The following TNS1 variants were observed in gnomAD, a reference collection of about 807,000 sequenced individuals.
The protein encoded by TNS1 is tensin 1.
Under a neutral mutation model 168.6 loss-of-function variants are expected in TNS1, and 62 were observed. That is an observed-to-expected ratio of 0.37 (90% CI 0.30 to 0.45). The LOEUF is 0.45. Among genes scored for constraint, TNS1 ranks in the 20% least tolerant of loss-of-function variants. The probability of loss-of-function intolerance (pLI) is 1.00; values close to 1 mark genes in which losing one functional copy is unlikely to be tolerated. For synonymous variants in TNS1, 934 were observed against 933.2 expected (o/e 1.00, Z -0.02); for missense variants, 2,240 against 2,339.4 (o/e 0.96, Z 0.88).
chr2:217,804,257 TC>T lies in TNS1; in HGVS notation c.*201del. On this transcript the variant is annotated 3_prime_UTR_variant, in exon 33 of 33. Transcript: ENST00000682258. Reference sequence around the variant, plus strand: ...AATCCAAGTTCTTCTCCTCCATCTTTCTCTCTCTCTCTCTCTCTCTCTCTCT... The same window carrying T: ...AATCCAAGTTCTTCTCCTCCATCTTTTCTCTCTCTCTCTCTCTCTCTCTCT... The T allele has an allele frequency of 7.7e-6, 1 of 130,318 alleles. No homozygotes were observed. The highest frequency in any genetic ancestry group is 1.1e-5 in the Non-Finnish European group (1 of 87,094). 8.1% of individuals were successfully genotyped at this position (130,318 alleles called of 1,614,324 possible). A position where few individuals can be genotyped will look rare whatever the true frequency, so the allele number is the denominator to read the frequency against.
At chr2:217,844,182 C>T (rs1428709759) in intron 19 of TNS1, among the ~76,000 whole-genome samples, 1 of 152,166 alleles carries the variant, frequency 6.6e-6, no homozygotes, top group African/African-American at 2.4e-5. Flanking sequence ...GTATCCACTG[C>T]ATCATCTCTT....
At chr2:217,854,099 A>G (rs1030164582) in intron 18 of TNS1, among the ~76,000 whole-genome samples, 6 of 152,324 alleles carry the variant, frequency 3.9e-5, no homozygotes, top group Non-Finnish European at 8.8e-5. Context: ...GGGTGGGGCC[A>G]GGAATCTGCA....
chr2:217,875,027 G>A (rs543474084), intron 18 of TNS1, among the ~76,000 whole-genome samples: 1 of 152,156 alleles, frequency 6.6e-6, no homozygotes, highest in Non-Finnish European at 1.5e-5. Context: ...GCTAGGCATG[G>A]GTGTTTGGCT....
chr2:217,914,669 A>G (rs1954806514), intron 4 of TNS1, among the ~76,000 whole-genome samples: 1 of 152,172 alleles, frequency 6.6e-6, no homozygotes, highest in African/African-American at 2.4e-5. Context: ...TATTTTTAGT[A>G]GAGACGGGGT....
chr2:217,854,135 G>T (rs2125483237), intron 18 of TNS1, among the ~76,000 whole-genome samples: 1 of 152,300 alleles, frequency 6.6e-6, no homozygotes, highest in South Asian at 2.1e-4. Context: ...CAGGGGTCCT[G>T]GCACACACAT....
intron 13 of TNS1, 126 bp downstream of exon 13, chr2:217,886,408 A>T: frequency 1.3e-6 from 1 of 771,482 alleles, no homozygotes; most frequent in South Asian, 1.7e-5. Context: ...TGAGAGTCCA[A>T]TGGAGGCCTT....
At chr2:217,849,903 ACTCT>A in intron 18 of TNS1, 1 of 985,326 alleles carries the variant, frequency 1.0e-6, no homozygotes. Context: ...CAGAGCTGGG[ACTCT>A]CTAAGACAAG....
At chr2:218,000,815 G>A (rs536152950) in intron 1 of TNS1, among the ~76,000 whole-genome samples, 1 of 152,188 alleles carries the variant, frequency 6.6e-6, no homozygotes, top group South Asian at 2.1e-4. Flanking sequence ...TAGGAGAGGA[G>A]AGGAAAAGGA....
intron 4 of TNS1, among the ~76,000 whole-genome samples, chr2:217,908,259 C>T (rs1953937193): frequency 6.6e-6 from 1 of 152,116 alleles, no homozygotes; most frequent in Non-Finnish European, 1.5e-5. Context: ...GAAGGGCTTC[C>T]TACTAAAGAT....
Position 217,847,730 on chromosome 2 carries a change from C to A in TNS1, c.2787G>T (p.Gly929=), listed in dbSNP as rs762451639. ...SPYDYQPCLA[G]PNQDFHSKSP... is the part of the protein sequence containing the mutation. ...TCTTTGAATGGAAATCCTGGTTAGG[C>A]CCAGCCAAACATGGCTGATAGTCAT... The change falls in exon 19 of 33, where the codon GGG becomes GGT. Residue 929 remains glycine (G), a synonymous_variant. Transcript: ENST00000682258. 2.5e-6 allele frequency: 4 copies of A among 1,607,696 alleles called. No individual in the cohort carries two copies. In the Admixed American group the frequency reaches 5.0e-5, roughly 20 times the overall value.
At chr2:217,977,269 C>A (rs1471320563) in intron 3 of TNS1, among the ~76,000 whole-genome samples, 1 of 152,106 alleles carries the variant, frequency 6.6e-6, no homozygotes, top group African/African-American at 2.4e-5. Context: ...GAAGCAGAAA[C>A]GTACTCTCCA....
chr2:217,835,246 G>A (rs1346434757), intron 20 of TNS1, 80 bp from the exon 21 acceptor site: 12 of 1,371,036 alleles, frequency 8.8e-6, no homozygotes, highest in Admixed American at 2.1e-5. Context: ...GAGGTATGAG[G>A]ACAGTGAGTT....
Position 218,023,504 on chromosome 2 carries a change from C to T in TNS1, c.156+10316G>A, listed in dbSNP as rs145814915. Among the ~76,000 whole-genome samples, 819 of 152,280 alleles carry T rather than the reference C, an allele frequency of 5.4e-3. 2 individuals carry two copies. Among genetic ancestry groups the T allele is most frequent in the Middle Eastern group, 0.027 (8 of 294 alleles). ...CAAGCCCAGGGCTCTCCTCCATTCCCGGCCCACCTGTCTCCTGGCCAAGTC... is the reference window on the plus strand; with the variant it reads ...CAAGCCCAGGGCTCTCCTCCATTCCTGGCCCACCTGTCTCCTGGCCAAGTC... On this transcript the variant is annotated intron_variant, in intron 1 of 1. Coordinates refer to the TNS1 transcript ENST00000649572.
chr2:217,939,592 G>A (rs1288491616), intron 3 of TNS1, among the ~76,000 whole-genome samples: 1 of 152,228 alleles, frequency 6.6e-6, no homozygotes, highest in Non-Finnish European at 1.5e-5. Flanking sequence ...ACCCAGGTCT[G>A]GGGCCCCATA....
rs2125011952 is a variant in TNS1 at position 217,803,164 on chromosome 2, C to T, written c.*1295G>A. On this transcript the variant is annotated 3_prime_UTR_variant, in exon 33 of 33. Coordinates refer to ENST00000682258, the MANE Select transcript of TNS1 (RefSeq NM_001387777.1). Reference sequence around the variant, plus strand: ...TGAGGTCAGAGGGTGCCTGCAAAAGCCAGACCCTAAAACACTTACAGAGGG... The same window carrying T: ...TGAGGTCAGAGGGTGCCTGCAAAAGTCAGACCCTAAAACACTTACAGAGGG... 1 of 152,370 alleles carries T rather than the reference C, an allele frequency of 6.6e-6. No individual in the cohort carries two copies. The highest frequency in any genetic ancestry group is 1.9e-4 in the East Asian group (1 of 5,188). 9.4% of individuals were successfully genotyped at this position (152,370 alleles called of 1,614,324 possible).
rs1948726359 is a variant in TNS1, at chr2:217,860,973, C to T, written c.1430-11886G>A. Among the ~76,000 whole-genome samples the T allele has an allele frequency of 2.0e-5, 3 of 152,076 alleles. No homozygotes were observed. In the South Asian group the frequency reaches 6.2e-4, roughly 32 times the overall value. Reference sequence around the variant, plus strand: ...AGGGAGTTTTATAAGAACCCCGATCCCCTGGCTCCACACAGAGGCAAAACT... The same window carrying T: ...AGGGAGTTTTATAAGAACCCCGATCTCCTGGCTCCACACAGAGGCAAAACT... On this transcript the variant is annotated intron_variant, in intron 18 of 32. Coordinates refer to ENST00000682258, the MANE Select transcript of TNS1 (RefSeq NM_001387777.1).
intron 1 of TNS1, among the ~76,000 whole-genome samples, chr2:218,001,348 A>G (rs556384179): frequency 7.9e-5 from 12 of 152,112 alleles, no homozygotes; most frequent in African/African-American, 2.4e-4. Flanking sequence ...TTTCTCTGCA[A>G]TCCTCATTTC....
At position 217,995,862 on chromosome 2, in the gene TNS1, G is replaced by A. The variant is rs1432829416; in HGVS notation, c.34-4806C>T. 6.6e-6 allele frequency among the ~76,000 whole-genome samples: 1 copy of A among 152,196 alleles called. No homozygotes were observed. Among genetic ancestry groups the A allele is most frequent in the Admixed American group, 6.5e-5 (1 of 15,284 alleles). On this transcript the variant is annotated intron_variant, in intron 1 of 32. Transcript: ENST00000682258. This position sits in a 1 kb window ranked among gnomAD's most constrained non-coding sequence, Gnocchi z 4.1. ...CCTTCTTCTCCTCCCTCCAAGCCCA[G>A]AGCTCTAGCCCCCACCCTGCCACCA...
At chr2:217,856,476 C>A (rs1427164133) in intron 18 of TNS1, among the ~76,000 whole-genome samples, 2 of 152,172 alleles carry the variant, frequency 1.3e-5, no homozygotes, top group African/African-American at 2.4e-5. Context: ...TTCCCCACAG[C>A]CTGCAGCGAG....
Sources: gnomAD v4.1 joint callset for allele counts (sites outside exome capture counted in the v4.1 genomes callset) on GRCh38, gnomAD v4.1.1 for gene constraint, Gnocchi (gnomAD v3.1) non-coding constraint, MANE v1.5 for transcripts, NCBI Gene and HGNC (gene_info 2026-07-23, HGNC 2026-07-21) for gene names.